Variants in C12orf42 observed in about 807,000 individuals in gnomAD.
C12orf42 encodes the protein chromosome 12 open reading frame 42.
In C12orf42, 25 loss-of-function variants were observed where a neutral mutation model predicts 21.6. That is an observed-to-expected ratio of 1.16 (90% CI 0.84 to 1.62). The LOEUF is 1.62. Ranked by LOEUF, C12orf42 falls within the 40% of genes most tolerant of loss-of-function variation. The probability of loss-of-function intolerance (pLI) is 0.00; values close to 1 mark genes in which losing one functional copy is unlikely to be tolerated. For synonymous variants in C12orf42, 174 were observed against 175.0 expected (o/e 0.99, Z 0.05); for missense variants, 483 against 459.3 (o/e 1.05, Z -0.47).
At chr12:103,537,088 CTGAATGAA>C in the C12orf42 span, among the ~76,000 whole-genome samples, 1 of 151,668 alleles carries the variant, frequency 6.6e-6, no homozygotes, top group African/African-American at 2.4e-5. Context: ...TTACTATTTT[CTGAATGAA>C]TGAATGAATG....
chr12:103,483,557 G>A (rs908525485), intron 1 of C12orf42, among the ~76,000 whole-genome samples: 15 of 151,866 alleles, frequency 9.9e-5, no homozygotes, highest in Admixed American at 2.0e-4. Flanking sequence ...CGAAAATTAT[G>A]GTTACGATTT....
At chr12:103,542,706 G>T in the C12orf42 span, among the ~76,000 whole-genome samples, 1 of 152,218 alleles carries the variant, frequency 6.6e-6, no homozygotes, top group African/African-American at 2.4e-5. Context: ...TCCCCTTCAA[G>T]ATTTTGCTTA....
At chr12:103,180,676 TG>T in the C12orf42 span, among the ~76,000 whole-genome samples, 1 of 133,526 alleles carries the variant, frequency 7.5e-6, no homozygotes, top group East Asian at 2.4e-4. Flanking sequence ...TTGCCCAGGC[TG>T]GAGTGCAATG....
intron 4 of C12orf42, among the ~76,000 whole-genome samples, chr12:103,317,855 G>A (rs971643325): frequency 6.6e-6 from 1 of 152,012 alleles, no homozygotes; most frequent in Non-Finnish European, 1.5e-5. Flanking sequence ...ATGTACAAAA[G>A]GGTATATATA....
the C12orf42 span, among the ~76,000 whole-genome samples, chr12:103,136,770 T>C: frequency 2.0e-5 from 3 of 152,154 alleles, no homozygotes; most frequent in Non-Finnish European, 4.4e-5. Context: ...GTCAACCTCA[T>C]ACATTGGGGA....
the C12orf42 span, among the ~76,000 whole-genome samples, chr12:103,225,261 A>G: frequency 6.6e-6 from 1 of 152,212 alleles, no homozygotes; most frequent in African/African-American, 2.4e-5. Context: ...AATTTGGTTG[A>G]TAAGGCGAAG....
the C12orf42 span, among the ~76,000 whole-genome samples, chr12:103,223,678 G>C: frequency 6.6e-6 from 1 of 152,150 alleles, no homozygotes; most frequent in Admixed American, 6.5e-5. Context: ...CTAGACAGAA[G>C]ATAGTAGGGA....
At chr12:103,496,883 C>CA (rs1029840985), upstream of C12orf42, among the ~76,000 whole-genome samples, 39 of 149,606 alleles carry the variant, frequency 2.6e-4, no homozygotes, top group African/African-American at 8.9e-4. Context: ...AAAGGTCTAG[C>CA]AACTCTTGGG....
At chr12:103,317,870 CAT>C (rs1268307377) in intron 4 of C12orf42, among the ~76,000 whole-genome samples, 31 of 152,284 alleles carry the variant, frequency 2.0e-4, no homozygotes, top group South Asian at 6.2e-4. Context: ...TATATATACA[CAT>C]GTTAACATAT....
intron 2 of C12orf42, among the ~76,000 whole-genome samples, chr12:103,461,077 T>C (rs1952668678): frequency 6.6e-6 from 1 of 152,204 alleles, no homozygotes; most frequent in Admixed American, 6.5e-5. Context: ...CTGTCTTCTA[T>C]TAACCTTCAA....
intron 1 of C12orf42, among the ~76,000 whole-genome samples, chr12:103,479,220 C>T (rs1954287579): frequency 6.6e-6 from 1 of 152,222 alleles, no homozygotes; most frequent in African/African-American, 2.4e-5. Flanking sequence ...GACCTAATCT[C>T]TAAGTCTCCA....
the C12orf42 span, among the ~76,000 whole-genome samples, chr12:103,137,825 T>C: frequency 6.6e-6 from 1 of 152,054 alleles, no homozygotes; most frequent in Non-Finnish European, 1.5e-5. Context: ...ATAGTTGATC[T>C]CTTGGAGGTA....
At chr12:103,065,552 C>A in the C12orf42 span, among the ~76,000 whole-genome samples, 1 of 152,116 alleles carries the variant, frequency 6.6e-6, no homozygotes, top group Non-Finnish European at 1.5e-5. Context: ...CACACTGGTC[C>A]ATTATACTGA....
At chr12:103,105,784 G>A in the C12orf42 span, among the ~76,000 whole-genome samples, 11 of 151,786 alleles carry the variant, frequency 7.2e-5, no homozygotes, top group African/African-American at 2.4e-4. Context: ...CAACAAATTC[G>A]GAGAAAAATA....
At chr12:103,399,688 T>C (rs776954764) in intron 3 of C12orf42, among the ~76,000 whole-genome samples, 19 of 152,182 alleles carry the variant, frequency 1.2e-4, no homozygotes, top group Admixed American at 1.1e-3. Context: ...TTTCCCATTA[T>C]TTATGTTCTT....
At chr12:103,056,045 A>G in the C12orf42 span, among the ~76,000 whole-genome samples, 1 of 152,102 alleles carries the variant, frequency 6.6e-6, no homozygotes, top group Non-Finnish European at 1.5e-5. Flanking sequence ...CATAGCGATT[A>G]GATTTTTTTG....
chr12:103,265,016 G>A (rs1176331884), downstream of C12orf42, among the ~76,000 whole-genome samples: 1 of 152,148 alleles, frequency 6.6e-6, no homozygotes, highest in African/African-American at 2.4e-5. Flanking sequence ...GGATGAAAGT[G>A]TCTGATATCA....
the C12orf42 span, among the ~76,000 whole-genome samples, chr12:103,172,003 G>C: frequency 0.019 from 2,920 of 152,236 alleles, 35 homozygotes; most frequent in East Asian, 0.028. Flanking sequence ...TTTGTTTGGA[G>C]AACCAGAATG....
At chr12:103,107,784 C>T in the C12orf42 span, among the ~76,000 whole-genome samples, 57,250 of 150,554 alleles carry the variant, frequency 0.38, 11,106 homozygotes, top group East Asian at 0.52. Flanking sequence ...AGAAAACAAC[C>T]ATGCCAAAAG....
Sources: gnomAD v4.1 joint callset for allele counts (sites outside exome capture counted in the v4.1 genomes callset) on GRCh38, gnomAD v4.1.1 for gene constraint, MANE v1.5 for transcripts, NCBI Gene and HGNC (gene_info 2026-07-23, HGNC 2026-07-21) for gene names.